The following CFAP43 variants were observed in gnomAD, a reference collection of about 807,000 sequenced individuals.
CFAP43 encodes cilia- and flagella-associated protein 43.
Under a neutral mutation model 218.9 loss-of-function variants are expected in CFAP43, and 155 were observed. The observed-to-expected ratio is 0.71, with a 90% confidence interval of 0.62 to 0.81. CFAP43 has a LOEUF of 0.81. Among genes scored for constraint, CFAP43 ranks in the 30% least tolerant of loss-of-function variants. The probability of loss-of-function intolerance (pLI) is 0.00; values close to 1 mark genes in which losing one functional copy is unlikely to be tolerated. For synonymous variants in CFAP43, 645 were observed against 681.3 expected (o/e 0.95, Z 0.83); for missense variants, 1,778 against 1,954.3 (o/e 0.91, Z 1.70).
rs557231167 is a variant in CFAP43, at chr10:104,159,841, C to T, written c.3540+1196G>A. ...GCCTATTTGGAGTGCAAAATCTCAG[C>T]GTCCTTCCATTTTCACAGAGAAACA... is the stretch of plus-strand genomic sequence containing the variant. On this transcript the variant is annotated intron_variant, in intron 27 of 37. Coordinates refer to ENST00000357060, the MANE Select transcript of CFAP43 (RefSeq NM_025145.7). 2.6e-5 allele frequency among the ~76,000 whole-genome samples: 4 copies of T among 152,246 alleles called. No homozygotes were observed. The East Asian group carries it at 5.8e-4, about 22-fold the overall frequency.
intron 3 of CFAP43, among the ~76,000 whole-genome samples, chr10:104,214,646 T>C (rs1006084558): frequency 6.6e-6 from 1 of 152,230 alleles, no homozygotes; most frequent in Non-Finnish European, 1.5e-5. Flanking sequence ...TACTGTCATA[T>C]GCTATACCAA....
At chr10:104,219,795 T>C (rs1486789058) in intron 3 of CFAP43, among the ~76,000 whole-genome samples, 2 of 152,214 alleles carry the variant, frequency 1.3e-5, no homozygotes, top group African/African-American at 4.8e-5. Context: ...CCCGTTATCA[T>C]GACCTTTTCA....
chr10:104,130,410 G>T, intron 37 of CFAP43, 105 bp from the exon 38 acceptor site: 1 of 1,304,218 alleles, frequency 7.7e-7, no homozygotes, highest in East Asian at 2.4e-5. Context: ...TAGCAAAAAG[G>T]CATATGCACT....
intron 5 of CFAP43, among the ~76,000 whole-genome samples, chr10:104,210,481 C>T (rs1459434608): frequency 6.6e-6 from 1 of 152,216 alleles, no homozygotes; most frequent in Non-Finnish European, 1.5e-5. Flanking sequence ...ATTCTCCCAC[C>T]TCAGCCTCCC....
chr10:104,218,217 G>A (rs1010716423), intron 3 of CFAP43, among the ~76,000 whole-genome samples: 5 of 151,852 alleles, frequency 3.3e-5, no homozygotes, highest in Admixed American at 6.6e-5. Context: ...GCGTGGTGGC[G>A]GGTGCCTGTA....
chr10:104,162,465 C>T lies in CFAP43; in HGVS notation c.3247-62G>A. Reference sequence around the variant, plus strand: ...ACAAAATTCAAACTAAACTTTCCTTCCACATACTGGGAGGAGGCTGGAAGA... The same window carrying T: ...ACAAAATTCAAACTAAACTTTCCTTTCACATACTGGGAGGAGGCTGGAAGA... On this transcript the variant is annotated intron_variant, in intron 24 of 37. Transcript: ENST00000357060. The T allele has an allele frequency of 2.1e-6, 3 of 1,425,702 alleles. No individual in the cohort carries two copies. The Admixed American group carries it at 5.0e-5, about 24-fold the overall frequency. The allele number at this position is 1,425,702 out of a possible 1,614,324, so 88.3% of individuals were successfully genotyped here.
chr10:104,216,869 A>T (rs1280273210), intron 3 of CFAP43, among the ~76,000 whole-genome samples: 2 of 152,126 alleles, frequency 1.3e-5, no homozygotes, highest in Non-Finnish European at 2.9e-5. Context: ...CTGCTTTCCA[A>T]GGAACCAGGC....
In CFAP43 at chr10:104,132,179, G is replaced by A. The variant is rs200144829; in HGVS notation, c.4614C>T (p.Asn1538=). The A allele has an allele frequency of 5.4e-5, 87 of 1,599,432 alleles. 1 individual carries two copies. The highest frequency in any genetic ancestry group is 4.8e-5 in the Non-Finnish European group (56 of 1,173,844). ...TCTGAATACTAATCAGAGCCTCATA[G>A]TTTGGTTCATTTAGGTACTTTGAGA... ...RDRQKYLNEP[N]YEALISIQIG... is the part of the protein sequence containing the mutation. Residue 1538 remains asparagine, a synonymous_variant, in exon 36 of 38, where the codon AAC becomes AAT. Transcript: ENST00000357060.
At chr10:104,142,498 T>C (rs1456859036) in intron 32 of CFAP43, 105 bp from the exon 33 acceptor site, 2 of 688,116 alleles carry the variant, frequency 2.9e-6, no homozygotes, top group African/African-American at 3.7e-5. Flanking sequence ...AGGTCTATCT[T>C]TCGAAGAAAG....
intron 3 of CFAP43, among the ~76,000 whole-genome samples, chr10:104,222,691 G>T (rs528511268): frequency 1.2e-4 from 18 of 152,142 alleles, no homozygotes; most frequent in African/African-American, 1.9e-4. Flanking sequence ...GGTTGGGACC[G>T]GGAGGAGATA....
rs114344823 is a variant in CFAP43 at position 104,179,725 on chromosome 10, G to T, written c.2382+115C>A. On this transcript the variant is annotated intron_variant, in intron 18 of 37. Transcript: ENST00000357060. Reference sequence around the variant, plus strand: ...TTACACCTGTATGTTGTAATGCTCTGCCAAGTGGTGTCTCATTCCATCTTC... The same window carrying T: ...TTACACCTGTATGTTGTAATGCTCTTCCAAGTGGTGTCTCATTCCATCTTC... 2.8e-3 allele frequency: 2,130 copies of T among 767,482 alleles called. 33 individuals are homozygous for T. In the African/African-American group the frequency reaches 0.034, roughly 12 times the overall value. 47.5% of individuals were successfully genotyped at this position (767,482 alleles called of 1,614,324 possible). A position where few individuals can be genotyped will look rare whatever the true frequency, so the allele number is the denominator to read the frequency against.
chr10:104,230,631 A>C lies in CFAP43; in HGVS notation c.278T>G (p.Val93Gly). 6.2e-7 allele frequency: 1 copy of C among 1,614,206 alleles called. No homozygotes were observed. Among genetic ancestry groups the C allele is most frequent in the Non-Finnish European group, 8.5e-7 (1 of 1,180,036 alleles). The change falls in exon 2 of 38, where the codon GTA (valine) becomes GGA (glycine). Residue 93 changes from valine to glycine, a missense_variant. Val to Gly is a moderately radical substitution (Grantham distance 109, BLOSUM62 -3). Transcript: ENST00000357060. The stretch of plus-strand genomic sequence containing the variant: ...TCTGGTCAATCCTGGAAAGCTGTAT[A>C]CGTAGATGAGAGGTTTTAGCTTCCG... ...SDRKLKPLIY[V>G]YSFPGLTRRT...
intron 27 of CFAP43, among the ~76,000 whole-genome samples, chr10:104,158,696 CTTAA>C (rs1436651473): frequency 6.6e-6 from 1 of 151,968 alleles, no homozygotes; most frequent in Non-Finnish European, 1.5e-5. Context: ...TGAATATAGA[CTTAA>C]TTAGATAATC....
rs992544989 is a variant in CFAP43 at position 104,195,350 on chromosome 10, G to A, written c.1294-1336C>T. Among the ~76,000 whole-genome samples, 7 of 152,290 alleles carry A rather than the reference G, an allele frequency of 4.6e-5. No individual in the cohort carries two copies. The East Asian group carries it at 7.7e-4, about 17-fold the overall frequency. Reference sequence around the variant, plus strand: ...TGGGTGGGTTGTTAAACGTTTCTGTGTCTCTAATGTGTGAAAGGACATGTG... The same window carrying A: ...TGGGTGGGTTGTTAAACGTTTCTGTATCTCTAATGTGTGAAAGGACATGTG... On this transcript the variant is annotated intron_variant, in intron 10 of 37. Coordinates refer to ENST00000357060, the MANE Select transcript of CFAP43 (RefSeq NM_025145.7).
At chr10:104,216,358 C>T (rs979546038) in intron 3 of CFAP43, among the ~76,000 whole-genome samples, 1 of 152,184 alleles carries the variant, frequency 6.6e-6, no homozygotes, top group Admixed American at 6.5e-5. Context: ...TTATGGGACA[C>T]CACAGATCCT....
At chr10:104,225,407 G>C in intron 3 of CFAP43, 54 bp downstream of exon 3, 1 of 1,353,220 alleles carries the variant, frequency 7.4e-7, no homozygotes, top group South Asian at 1.3e-5. Context: ...ATCCAGAAGA[G>C]TAAGAGGAAA....
chr10:104,218,474 G>C (rs1306626186), intron 3 of CFAP43, among the ~76,000 whole-genome samples: 1 of 151,822 alleles, frequency 6.6e-6, no homozygotes, highest in Non-Finnish European at 1.5e-5. Flanking sequence ...CTCAAGCAGT[G>C]GTTCAAGGCA....
chr10:104,137,203 G>A (rs558774495), intron 34 of CFAP43, among the ~76,000 whole-genome samples: 40 of 152,184 alleles, frequency 2.6e-4, no homozygotes, highest in African/African-American at 9.2e-4. Flanking sequence ...GCCAAAAGGT[G>A]GAAATAGCCC....
chr10:104,152,739 C>T lies in CFAP43; in HGVS notation c.3541-13G>A, dbSNP rs1467298813. 4 of 1,602,292 alleles carry T rather than the reference C, an allele frequency of 2.5e-6. No homozygotes were observed. The highest frequency in any genetic ancestry group is 3.4e-6 in the Non-Finnish European group (4 of 1,177,010). On this transcript the variant is annotated splice_polypyrimidine_tract_variant and intron_variant, in intron 27 of 37. Transcript: ENST00000357060. ...CTGCTTCTAATGACTAAAAGGAAAA[C>T]AATAGTAAAGTTAACGTTTAAGAGT...
Sources: allele counts gnomAD v4.1 joint callset (sites outside exome capture counted in the v4.1 genomes callset), GRCh38; gene constraint gnomAD v4.1.1; transcripts MANE v1.5; gene names NCBI Gene and HGNC (gene_info 2026-07-23, HGNC 2026-07-21).